The following TYW1 variants were observed in gnomAD, a reference collection of about 807,000 sequenced individuals.
TYW1 encodes tRNA-yW synthesizing protein 1 homolog, also known as S-adenosyl-L-methionine-dependent tRNA 4-demethylwyosine synthase TYW1.
TYW1 carries 46 observed loss-of-function variants against 96.2 expected under a neutral mutation model. The observed-to-expected ratio is 0.48, with a 90% CI of 0.38 to 0.61. TYW1 has a LOEUF of 0.61. Ranked by LOEUF, TYW1 falls within the 20% of genes least tolerant of loss-of-function variation. The pLI is 0.00. For missense variants in TYW1, 684 were observed against 909.6 expected, an observed-to-expected ratio of 0.75 and a Z score of 3.19; for synonymous variants, 274 against 323.0, an observed-to-expected ratio of 0.85 and a Z score of 1.63.
In TYW1 at chr7:67,117,486, C is replaced by G. The variant is rs1347112763; in HGVS notation, c.1566C>G (p.Asn522Lys). Residue 522 changes from asparagine (N) to lysine (K), a missense_variant, in exon 13 of 16, where the codon AAC becomes AAG. Coordinates refer to ENST00000359626, the MANE Select transcript of TYW1 (RefSeq NM_018264.4). Reference sequence around the variant, plus strand: ...TTTTAAAAAAAATATTACTAAGGAACCTCGAGCCGGTTACTCAGCTGTATG... The same window carrying G: ...TTTTAAAAAAAATATTACTAAGGAAGCTCGAGCCGGTTACTCAGCTGTATG... ...TNAQFPAEIR[N>K]LEPVTQLYVS... The G allele has an allele frequency of 1.9e-6, 3 of 1,599,528 alleles. No individual in the cohort carries two copies. Among genetic ancestry groups the G allele is most frequent in the Admixed American group, 1.8e-5 (1 of 55,666 alleles).
intron 12 of TYW1, among the ~76,000 whole-genome samples, chr7:67,107,423 T>C (rs1363066484): frequency 6.6e-6 from 1 of 152,172 alleles, no homozygotes; most frequent in East Asian, 1.9e-4. Context: ...TTCTGAAACA[T>C]GCATGTCTGG....
At chr7:67,160,793 C>T (rs35008017) in intron 13 of TYW1, among the ~76,000 whole-genome samples, 40,953 of 149,226 alleles carry the variant, frequency 0.27, 6,128 homozygotes, top group African/African-American at 0.39. Flanking sequence ...GGTTTCACCA[C>T]GTTGGCCAGG....
At chr7:67,028,991 G>A (rs1403622213) in intron 7 of TYW1, among the ~76,000 whole-genome samples, 3 of 151,634 alleles carry the variant, frequency 2.0e-5, no homozygotes, top group Admixed American at 6.6e-5. Flanking sequence ...TTATTTGGAC[G>A]CTGATATGGA....
chr7:67,081,391 G>GT (rs2115761219), intron 10 of TYW1, among the ~76,000 whole-genome samples: 1 of 149,776 alleles, frequency 6.7e-6, no homozygotes, highest in East Asian at 2.0e-4. Context: ...TCTTTTGACA[G>GT]TTCGACTATA....
intron 7 of TYW1, among the ~76,000 whole-genome samples, chr7:67,037,144 G>A (rs191562048): frequency 6.6e-6 from 1 of 152,144 alleles, no homozygotes; most frequent in South Asian, 2.1e-4. Flanking sequence ...CATTGCCCTA[G>A]GGGTCCGCCA....
At chr7:66,998,349 G>C (rs1406619194) in intron 2 of TYW1, among the ~76,000 whole-genome samples, 154 bp downstream of exon 2, 1 of 152,122 alleles carries the variant, frequency 6.6e-6, no homozygotes, top group African/African-American at 2.4e-5. Context: ...AGTTTTTGGA[G>C]ACTAAGTTAT....
At chr7:67,035,596 G>T (rs556891768) in intron 7 of TYW1, among the ~76,000 whole-genome samples, 4 of 152,222 alleles carry the variant, frequency 2.6e-5, no homozygotes, top group African/African-American at 9.6e-5. Context: ...ATACTCAAGG[G>T]TATAGTTCAT....
chr7:67,058,268 G>T (rs1313891688), intron 9 of TYW1, among the ~76,000 whole-genome samples: 9 of 152,120 alleles, frequency 5.9e-5, no homozygotes, highest in Non-Finnish European at 1.2e-4. Context: ...TTTTTCTTTA[G>T]GTGAAAATGA....
intron 5 of TYW1, among the ~76,000 whole-genome samples, chr7:67,015,759 G>A (rs1251114247): frequency 6.6e-6 from 1 of 151,866 alleles, no homozygotes. Context: ...TCAGGAGATC[G>A]AGACCATCCT....
chr7:67,024,514 G>A (rs540916647), intron 6 of TYW1, among the ~76,000 whole-genome samples: 5 of 152,058 alleles, frequency 3.3e-5, no homozygotes, highest in Admixed American at 2.6e-4. Flanking sequence ...GAGCACTGTC[G>A]TCACGCCTGT....
intron 13 of TYW1, among the ~76,000 whole-genome samples, chr7:67,180,697 C>T (rs1277763423): frequency 1.3e-5 from 2 of 151,860 alleles, no homozygotes; most frequent in African/African-American, 4.8e-5. Flanking sequence ...GGCTGGAGTG[C>T]AGTGGTGCAG....
chr7:67,204,566 TCTTC>T (rs1800715908), intron 15 of TYW1, among the ~76,000 whole-genome samples: 1 of 147,424 alleles, frequency 6.8e-6, no homozygotes, highest in South Asian at 2.2e-4. Context: ...TCTTCTTTCT[TCTTC>T]CTTCTTCCTT....
chr7:67,016,525 T>A (rs1794028550), intron 5 of TYW1, among the ~76,000 whole-genome samples: 1 of 151,860 alleles, frequency 6.6e-6, no homozygotes. Context: ...CCAGCCTTGG[T>A]AACAAGAGTG....
chr7:67,014,464 C>G lies in TYW1; in HGVS notation c.473C>G (p.Ala158Gly). The G allele has an allele frequency of 6.2e-7, 1 of 1,613,922 alleles. No individual in the cohort carries two copies. The highest frequency in any genetic ancestry group is 1.1e-5 in the South Asian group (1 of 91,076). Residue 158 changes from alanine (A) to glycine (G), a missense_variant, in exon 5 of 16, where the codon GCA (alanine) becomes GGA (glycine). Ala to Gly is a moderately conservative substitution (Grantham distance 60, BLOSUM62 0). Transcript: ENST00000359626. The part of the protein sequence containing the change: ...AEWFCKWLEE[A>G]SIDFRFGKTY... ...TGGTTCTGCAAATGGTTAGAGGAAG[C>G]ATCCATTGATTTTCGATTTGGCAAA... is the stretch of plus-strand genomic sequence containing the variant.
chr7:67,039,419 C>T (rs1317068454), intron 7 of TYW1, among the ~76,000 whole-genome samples: 2 of 150,334 alleles, frequency 1.3e-5, no homozygotes, highest in Admixed American at 6.6e-5. Context: ...GATCCCGCCA[C>T]TGCACTCCAG....
chr7:67,148,267 T>C (rs959162519), intron 13 of TYW1, among the ~76,000 whole-genome samples: 2 of 152,066 alleles, frequency 1.3e-5, no homozygotes, highest in Non-Finnish European at 2.9e-5. Context: ...AGAATAATGG[T>C]TTCACCTGTT....
At chr7:67,176,051 G>A (rs1315320743) in intron 13 of TYW1, among the ~76,000 whole-genome samples, 1 of 152,050 alleles carries the variant, frequency 6.6e-6, no homozygotes, top group African/African-American at 2.4e-5. Flanking sequence ...TTACAAGACT[G>A]CTATATAGAT....
intron 15 of TYW1, among the ~76,000 whole-genome samples, chr7:67,198,985 C>T (rs1800497884): frequency 6.6e-6 from 1 of 152,010 alleles, no homozygotes; most frequent in South Asian, 2.1e-4. Flanking sequence ...CCCTTGACCC[C>T]AGGAGTTCAA....
At chr7:67,237,666 T>C (rs186130529) in intron 15 of TYW1, among the ~76,000 whole-genome samples, 1,715 of 152,176 alleles carry the variant, frequency 0.011, 36 homozygotes, top group African/African-American at 0.039. Flanking sequence ...TCTTCAACTT[T>C]CTTTCTGTTT....
Sources: allele counts gnomAD v4.1 joint callset (sites outside exome capture counted in the v4.1 genomes callset), GRCh38; gene constraint gnomAD v4.1.1; transcripts MANE v1.5; gene names NCBI Gene and HGNC (gene_info 2026-07-23, HGNC 2026-07-21).